DCC: variants seen among roughly 807,000 people sequenced by gnomAD.
DCC encodes the protein DCC netrin 1 receptor, also known as netrin receptor DCC.
DCC carries 58 observed loss-of-function variants against 172.5 expected under a neutral mutation model. That is an observed-to-expected ratio of 0.34 (90% CI 0.27 to 0.42). The LOEUF (loss-of-function observed/expected upper bound fraction) is 0.42, where lower values mean the gene tolerates loss of function less well. Ranked by LOEUF, DCC falls within the 10% of genes least tolerant of loss-of-function variation. The pLI, the probability that DCC is intolerant of heterozygous loss-of-function variation, is 1.00. For missense variants in DCC, 1,740 were observed against 1,791.0 expected, an observed-to-expected ratio of 0.97 and a Z score of 0.51; for synonymous variants, 709 against 644.5, an observed-to-expected ratio of 1.10 and a Z score of -1.52.
intron 2 of DCC, among the ~76,000 whole-genome samples, chr18:52,796,934 G>A (rs2037887370): frequency 6.6e-6 from 1 of 151,452 alleles, no homozygotes; most frequent in South Asian, 2.1e-4. Context: ...TCTCCTTTGG[G>A]AAATTCCAGA....
chr18:53,415,192 G>A (rs369437868), intron 20 of DCC, among the ~76,000 whole-genome samples: 3 of 152,176 alleles, frequency 2.0e-5, no homozygotes, highest in East Asian at 1.9e-4. Flanking sequence ...CATCTGATGA[G>A]AGACTGTATT....
At chr18:53,420,980 G>T (rs1910616455) in intron 21 of DCC, among the ~76,000 whole-genome samples, 1 of 152,014 alleles carries the variant, frequency 6.6e-6, no homozygotes, top group African/African-American at 2.4e-5. Flanking sequence ...ACTGTAAATG[G>T]TTACTATATT....
At chr18:52,738,488 G>A (rs1470443575) in intron 1 of DCC, among the ~76,000 whole-genome samples, 1 of 152,078 alleles carries the variant, frequency 6.6e-6, no homozygotes, top group Non-Finnish European at 1.5e-5. Flanking sequence ...TTGTACAAGA[G>A]ATTAAAAATG....
At chr18:53,459,108 C>G in intron 23 of DCC, 124 bp from the exon 24 acceptor site, 1 of 806,460 alleles carries the variant, frequency 1.2e-6, no homozygotes, top group Non-Finnish European at 2.1e-6. Flanking sequence ...TCCTGGGTTT[C>G]ACAGGGCTCA....
chr18:52,789,995 C>T (rs12956197), intron 2 of DCC, among the ~76,000 whole-genome samples: 85,561 of 151,930 alleles, frequency 0.56, 27,913 homozygotes, highest in East Asian at 0.88. Flanking sequence ...AAGATCAGAG[C>T]TTAAGGTATT....
chr18:52,636,021 G>T (rs146128995), intron 1 of DCC, among the ~76,000 whole-genome samples: 1 of 152,128 alleles, frequency 6.6e-6, no homozygotes, highest in East Asian at 1.9e-4. Context: ...TACTGTGAGC[G>T]CCCCAACTGC....
chr18:52,809,269 T>G (rs2038148017), intron 2 of DCC: 1 of 152,916 alleles, frequency 6.5e-6, no homozygotes, highest in African/African-American at 2.4e-5. Flanking sequence ...CAAGGAAAAC[T>G]AGAGATACCA....
intron 12 of DCC, among the ~76,000 whole-genome samples, chr18:53,300,393 T>C (rs2057118442): frequency 6.6e-6 from 1 of 152,146 alleles, no homozygotes; most frequent in African/African-American, 2.4e-5. Flanking sequence ...TGAGGTCCAT[T>C]TGGTGCCATG....
At chr18:52,486,276 G>A (rs1408135251) in intron 1 of DCC, among the ~76,000 whole-genome samples, 1 of 152,088 alleles carries the variant, frequency 6.6e-6, no homozygotes, top group Non-Finnish European at 1.5e-5. Context: ...ACCCTGGCCA[G>A]CGTTTAGAAA....
intron 1 of DCC, among the ~76,000 whole-genome samples, chr18:52,444,116 T>G (rs1385163464): frequency 6.6e-6 from 1 of 152,116 alleles, no homozygotes; most frequent in Non-Finnish European, 1.5e-5. Flanking sequence ...AAGTGGTAGG[T>G]GCTGGCTGCA....
chr18:53,257,813 A>T (rs1460223729), intron 12 of DCC, among the ~76,000 whole-genome samples: 2 of 152,200 alleles, frequency 1.3e-5, no homozygotes, highest in Non-Finnish European at 2.9e-5. Context: ...TACCTCTGGT[A>T]GAATTTGGCT....
At chr18:52,344,782 ACTT>A (rs3086104) in intron 1 of DCC, among the ~76,000 whole-genome samples, 40,482 of 135,140 alleles carry the variant, frequency 0.3, 5,528 homozygotes, top group Non-Finnish European at 0.34. Flanking sequence ...TGCATGTGAA[ACTT>A]CTTCTTCATG....
chr18:52,717,680 C>G (rs2036407817), intron 1 of DCC, among the ~76,000 whole-genome samples: 1 of 152,072 alleles, frequency 6.6e-6, no homozygotes, highest in African/African-American at 2.4e-5. Context: ...GGACTTTTAA[C>G]CCAGAATACC....
rs5824932 is a variant in DCC, at chr18:52,377,635, A to ATT, written c.91+36765_91+36766dup. ...TTGCCACCCATTGCAACAATTATGC[A>ATT]TTTTTTTTTATAGGAACTGCAAAAA... On this transcript the variant is annotated intron_variant, in intron 1 of 28. Coordinates refer to ENST00000442544, the MANE Select transcript of DCC (RefSeq NM_005215.4). Among the ~76,000 whole-genome samples, 35 of 148,662 alleles carry ATT rather than the reference A, an allele frequency of 2.4e-4. 1 individual carries two copies. Among genetic ancestry groups the ATT allele is most frequent in the South Asian group, 2.1e-3 (10 of 4,706 alleles).
At chr18:52,590,090 G>C (rs2033766026) in intron 1 of DCC, among the ~76,000 whole-genome samples, 1 of 152,116 alleles carries the variant, frequency 6.6e-6, no homozygotes, top group Admixed American at 6.6e-5. Context: ...AAAGTGAAAT[G>C]TGGAATTTTG....
chr18:53,000,027 C>A (rs187456286), intron 5 of DCC, among the ~76,000 whole-genome samples: 1 of 152,052 alleles, frequency 6.6e-6, no homozygotes, highest in Admixed American at 6.6e-5. Flanking sequence ...CATCAACCAC[C>A]ACCAATTAAG....
chr18:52,430,149 C>T (rs990826021), intron 1 of DCC, among the ~76,000 whole-genome samples: 1 of 152,100 alleles, frequency 6.6e-6, no homozygotes, highest in Non-Finnish European at 1.5e-5. Flanking sequence ...ACCCAATCTA[C>T]ATTCTCTTGG....
chr18:52,728,767 A>G (rs947850130), intron 1 of DCC, among the ~76,000 whole-genome samples: 3 of 152,192 alleles, frequency 2.0e-5, no homozygotes, highest in Non-Finnish European at 2.9e-5. Context: ...CCTACGGATG[A>G]ATGAGTCTCC....
At chr18:53,369,358 A>T (rs1424791593) in intron 15 of DCC, among the ~76,000 whole-genome samples, 1 of 151,886 alleles carries the variant, frequency 6.6e-6, no homozygotes, top group Non-Finnish European at 1.5e-5. Context: ...ACTTGATTTT[A>T]GCTAAAAACT....
Sources: gnomAD v4.1 joint callset for allele counts (sites outside exome capture counted in the v4.1 genomes callset) on GRCh38, gnomAD v4.1.1 for gene constraint, MANE v1.5 for transcripts, NCBI Gene and HGNC (gene_info 2026-07-23, HGNC 2026-07-21) for gene names.